LDLRAD3: variants seen among roughly 807,000 people sequenced by gnomAD.
LDLRAD3 encodes the protein low-density lipoprotein receptor class A domain-containing protein 3.
Under a neutral mutation model 29.4 loss-of-function variants are expected in LDLRAD3, and 20 were observed. The ratio of observed to expected loss-of-function variants is 0.68; its 90% confidence interval spans 0.48 to 0.99. LDLRAD3 has a LOEUF of 0.99. Among genes scored for constraint, LDLRAD3 ranks in the 50% least tolerant of loss-of-function variants. The pLI is 0.00. For synonymous variants in LDLRAD3, 157 were observed against 192.7 expected, an observed-to-expected ratio of 0.81 and a Z score of 1.53; for missense variants, 420 against 454.3, an observed-to-expected ratio of 0.92 and a Z score of 0.69.
At chr11:36,139,502 C>T (rs985339654) in intron 4 of LDLRAD3, among the ~76,000 whole-genome samples, 1 of 152,228 alleles carries the variant, frequency 6.6e-6, no homozygotes, top group Non-Finnish European at 1.5e-5. Context: ...TCCTGGCTTG[C>T]TGTTGGTTGC....
chr11:36,180,795 G>A (rs963198022), intron 4 of LDLRAD3, among the ~76,000 whole-genome samples: 9 of 152,156 alleles, frequency 5.9e-5, no homozygotes, highest in Admixed American at 3.9e-4. Context: ...CAAGGCCAGC[G>A]TGTGCCAATT....
At chr11:36,201,478 T>G (rs1408788150) in intron 4 of LDLRAD3, among the ~76,000 whole-genome samples, 1 of 152,240 alleles carries the variant, frequency 6.6e-6, no homozygotes, top group Non-Finnish European at 1.5e-5. Flanking sequence ...TTGTATCTTT[T>G]AAATTAATTT....
chr11:36,150,420 C>T (rs959211537), intron 4 of LDLRAD3, among the ~76,000 whole-genome samples: 2 of 151,296 alleles, frequency 1.3e-5, no homozygotes, highest in Non-Finnish European at 2.9e-5. Context: ...CCCAGCTACC[C>T]AGGAGGCTGA....
In LDLRAD3 at chr11:36,122,097, T is replaced by C. The variant is rs181783100; in HGVS notation, c.454+23636T>C. ...GATTCGAACCCACACTCTTGTGACCTCAGAGCCCAAGCTCTTAACTATGCC... is the reference window on the plus strand; with the variant it reads ...GATTCGAACCCACACTCTTGTGACCCCAGAGCCCAAGCTCTTAACTATGCC... On this transcript the variant is annotated intron_variant, in intron 4 of 5. Coordinates refer to ENST00000315571, the MANE Select transcript of LDLRAD3 (RefSeq NM_174902.4). 2.9e-4 allele frequency among the ~76,000 whole-genome samples: 44 copies of C among 152,292 alleles called. 1 individual carries two copies. Among genetic ancestry groups the C allele is most frequent in the Middle Eastern group, 6.8e-3 (2 of 294 alleles).
At chr11:35,956,762 A>T (rs997561953) in intron 1 of LDLRAD3, among the ~76,000 whole-genome samples, 1 of 152,126 alleles carries the variant, frequency 6.6e-6, no homozygotes, top group African/African-American at 2.4e-5. Context: ...TTTGAGACGG[A>T]GTCTTGCTCT....
chr11:36,064,889 A>G (rs143962548), intron 2 of LDLRAD3, among the ~76,000 whole-genome samples: 21 of 152,272 alleles, frequency 1.4e-4, no homozygotes, highest in African/African-American at 5.1e-4. Context: ...AACATATGTT[A>G]TATGATTGCA....
At chr11:36,189,099 T>C (rs1232443182) in intron 4 of LDLRAD3, among the ~76,000 whole-genome samples, 1 of 152,182 alleles carries the variant, frequency 6.6e-6, no homozygotes, top group Non-Finnish European at 1.5e-5. Flanking sequence ...ATTAAACATA[T>C]TTATAGAATT....
intron 1 of LDLRAD3, among the ~76,000 whole-genome samples, chr11:35,995,129 T>C (rs1851737775): frequency 6.6e-6 from 1 of 152,224 alleles, no homozygotes. Context: ...AGGTTTTGAA[T>C]TTACTTGGCC....
chr11:36,013,960 C>G (rs537847535), intron 1 of LDLRAD3, among the ~76,000 whole-genome samples: 28 of 152,226 alleles, frequency 1.8e-4, no homozygotes, highest in African/African-American at 6.0e-4. Context: ...AGGCACACCC[C>G]CTTTTTTTTC....
At chr11:36,203,436 G>C (rs747210868) in intron 4 of LDLRAD3, among the ~76,000 whole-genome samples, 61 of 152,312 alleles carry the variant, frequency 4.0e-4, no homozygotes, top group South Asian at 1.2e-3. Flanking sequence ...ACATGGGTCT[G>C]TCAGCCTCCA....
chr11:36,188,142 A>T (rs1854880853), intron 4 of LDLRAD3, among the ~76,000 whole-genome samples: 1 of 152,018 alleles, frequency 6.6e-6, no homozygotes. Context: ...TCGAGAAGAG[A>T]TTGGTCACCG....
chr11:36,038,028 C>G (rs1852326854), intron 2 of LDLRAD3, among the ~76,000 whole-genome samples: 1 of 152,152 alleles, frequency 6.6e-6, no homozygotes. Flanking sequence ...CCCCTAGTAG[C>G]TGGGACCACA....
In LDLRAD3 at chr11:36,130,463, C is replaced by T. The variant is rs147318360; in HGVS notation, c.454+32002C>T. Reference sequence around the variant, plus strand: ...GACAGCGTGAGGCCATCAAAAGGTTCGGAAGGAAGTTTGGAGGGCAGAAGG... The same window carrying T: ...GACAGCGTGAGGCCATCAAAAGGTTTGGAAGGAAGTTTGGAGGGCAGAAGG... On this transcript the variant is annotated intron_variant, in intron 4 of 5. Transcript: ENST00000315571. Among the ~76,000 whole-genome samples the T allele has an allele frequency of 2.8e-3, 420 of 152,198 alleles. 4 individuals carry two copies. Among genetic ancestry groups the T allele is most frequent in the African/African-American group, 9.8e-3 (407 of 41,532 alleles).
intron 1 of LDLRAD3, among the ~76,000 whole-genome samples, chr11:35,994,265 A>T (rs1851723697): frequency 7.0e-6 from 1 of 142,904 alleles, no homozygotes; most frequent in Non-Finnish European, 1.5e-5. Flanking sequence ...TGAACCCAGG[A>T]GGCAGAGCTT....
chr11:36,202,729 T>G lies in LDLRAD3; in HGVS notation c.455-24356T>G, dbSNP rs373168149. Among the ~76,000 whole-genome samples, 400 of 152,298 alleles carry G rather than the reference T, an allele frequency of 2.6e-3. 1 individual carries two copies. Among genetic ancestry groups the G allele is most frequent in the Middle Eastern group, 6.8e-3 (2 of 294 alleles). ...TTAGGCTGTAGATGGAATTCATGCA[T>G]CTCCCTTGTTTTTCCAAGGTCACCT... On this transcript the variant is annotated intron_variant, in intron 4 of 5. Coordinates refer to ENST00000315571, the MANE Select transcript of LDLRAD3 (RefSeq NM_174902.4).
chr11:36,170,802 T>A (rs1854587647), intron 4 of LDLRAD3, among the ~76,000 whole-genome samples: 1 of 150,952 alleles, frequency 6.6e-6, no homozygotes, highest in East Asian at 1.9e-4. Context: ...TTTGTATATC[T>A]TCTTTTTTTT....
intron 1 of LDLRAD3, among the ~76,000 whole-genome samples, chr11:36,019,853 G>A (rs554446159): frequency 2.6e-5 from 4 of 152,138 alleles, no homozygotes; most frequent in South Asian, 4.2e-4. Flanking sequence ...ACTGAGAGGC[G>A]GTCTGCCACC....
chr11:36,174,985 A>G (rs969848656), intron 4 of LDLRAD3, among the ~76,000 whole-genome samples: 3 of 152,222 alleles, frequency 2.0e-5, no homozygotes, highest in Admixed American at 6.5e-5. Context: ...CGTCTCAAAA[A>G]AAAAGAAAAG....
rs546345416 is a variant in LDLRAD3, at chr11:36,168,360, G to T, written c.455-58725G>T. Among the ~76,000 whole-genome samples the T allele has an allele frequency of 4.6e-5, 7 of 152,220 alleles. No homozygotes were observed. In the East Asian group the frequency reaches 1.4e-3, roughly 29 times the overall value. The stretch of plus-strand genomic sequence containing the variant: ...CTGATGCTTGTTTTTAACAGGAGGA[G>T]AATCAATACGGGGTGAGGGTTAGAC... On this transcript the variant is annotated intron_variant, in intron 4 of 5. Transcript: ENST00000315571.
Sources: gnomAD v4.1 joint callset for allele counts (sites outside exome capture counted in the v4.1 genomes callset) on GRCh38, gnomAD v4.1.1 for gene constraint, MANE v1.5 for transcripts, NCBI Gene and HGNC (gene_info 2026-07-23, HGNC 2026-07-21) for gene names.